The following TOGARAM2 variants were observed in gnomAD, a reference collection of about 807,000 sequenced individuals.
TOGARAM2 encodes the protein TOG array regulator of axonemal microtubules 2.
Under a neutral mutation model 93.3 loss-of-function variants are expected in TOGARAM2, and 85 were observed. That is an observed-to-expected ratio of 0.91 (90% CI 0.76 to 1.09). The LOEUF is 1.09. Ranked by LOEUF, TOGARAM2 falls within the 50% of genes least tolerant of loss-of-function variation. The pLI is 0.00. For missense variants in TOGARAM2, 1,277 were observed against 1,334.5 expected, an observed-to-expected ratio of 0.96 and a Z score of 0.67; for synonymous variants, 593 against 552.8, an observed-to-expected ratio of 1.07 and a Z score of -1.02.
chr2:29,036,414 C>A, intron 17 of TOGARAM2, 127 bp from the exon 18 acceptor site: 1 of 766,276 alleles, frequency 1.3e-6, no homozygotes, highest in Non-Finnish European at 2.1e-6. Flanking sequence ...TGGCATAGGT[C>A]AGGGACGCAG....
upstream of TOGARAM2, among the ~76,000 whole-genome samples, chr2:28,980,736 A>C (rs1172805839): frequency 6.6e-6 from 1 of 152,228 alleles, no homozygotes; most frequent in Non-Finnish European, 1.5e-5. Context: ...TCTGCTCTGC[A>C]AGGATTTCTG....
At chr2:28,989,166 C>T (rs918102334) in intron 1 of TOGARAM2, among the ~76,000 whole-genome samples, 2 of 152,156 alleles carry the variant, frequency 1.3e-5, no homozygotes, top group African/African-American at 4.8e-5. Context: ...TCTCCTGCCT[C>T]AGCCTCTTGA....
At chr2:28,968,944 G>A (rs1410461091) in intron 1 of TOGARAM2, among the ~76,000 whole-genome samples, 3 of 151,598 alleles carry the variant, frequency 2.0e-5, no homozygotes, top group Non-Finnish European at 2.9e-5. Flanking sequence ...TGCTGTGATC[G>A]CTGTCAGTAT....
At chr2:28,990,282 G>A (rs1672657805) in intron 1 of TOGARAM2, among the ~76,000 whole-genome samples, 1 of 152,210 alleles carries the variant, frequency 6.6e-6, no homozygotes, top group African/African-American at 2.4e-5. Context: ...TGTCAGTGCT[G>A]TAATTCTCTC....
intron 4 of TOGARAM2, among the ~76,000 whole-genome samples, chr2:29,002,159 A>T (rs1335583319): frequency 6.6e-6 from 1 of 152,186 alleles, no homozygotes; most frequent in Non-Finnish European, 1.5e-5. Flanking sequence ...AAGTGATGTT[A>T]TTGAATCACC....
intron 1 of TOGARAM2, chr2:28,970,852 G>C (rs1195025530): frequency 2.6e-5 from 4 of 152,234 alleles, no homozygotes; most frequent in Non-Finnish European, 5.9e-5. Flanking sequence ...CATGGTAACT[G>C]TCACCCAGGG....
chr2:28,959,578 C>G (rs977170087), intron 1 of TOGARAM2, among the ~76,000 whole-genome samples: 9 of 151,970 alleles, frequency 5.9e-5, no homozygotes, highest in African/African-American at 2.2e-4. Context: ...ATGCTGAAAC[C>G]CCATCTCTAC....
chr2:29,014,694 C>G, intron 8 of TOGARAM2, 133 bp downstream of exon 8: 1 of 1,190,844 alleles, frequency 8.4e-7, no homozygotes, highest in East Asian at 2.6e-5. Context: ...GAGGCAGCCA[C>G]CCAAGTACTA....
At chr2:28,972,653 A>G (rs191977091) in intron 1 of TOGARAM2, 17 of 152,164 alleles carry the variant, frequency 1.1e-4, no homozygotes, top group African/African-American at 3.6e-4. Flanking sequence ...TGGGCTGGAG[A>G]TTCCCACTGG....
At position 29,029,264 on chromosome 2, in the gene TOGARAM2, TACACAC is replaced by T. The variant is rs146395549; in HGVS notation, c.2012+2282_2012+2287del. Among the ~76,000 whole-genome samples the T allele has an allele frequency of 1.3e-4, 19 of 147,984 alleles. No individual in the cohort carries two copies. The East Asian group carries it at 2.4e-3, about 19-fold the overall frequency. On this transcript the variant is annotated intron_variant, in intron 14 of 19. Transcript: ENST00000379558. ...TGATATGTATGTATGTATGTGTGTA[TACACAC>T]ACACACACACACACACACACACACA...
In TOGARAM2 at chr2:29,023,255, T is replaced by C. The variant is rs995175783; in HGVS notation, c.1617+64T>C. 13 of 1,350,116 alleles carry C rather than the reference T, an allele frequency of 9.6e-6. No homozygotes were observed. In the African/African-American group the frequency reaches 1.6e-4, roughly 17 times the overall value. 83.6% of individuals were successfully genotyped at this position (1,350,116 alleles called of 1,614,324 possible). On this transcript the variant is annotated intron_variant, in intron 12 of 19. Transcript: ENST00000379558. ...ACTGCAGCTGCTGGATGCAGTCCGC[T>C]AGCAGCTGTGGAGGGGCTGTGGCTT...
At chr2:29,019,177 C>CTTTTTT (rs61378143) in intron 10 of TOGARAM2, among the ~76,000 whole-genome samples, 16 of 121,700 alleles carry the variant, frequency 1.3e-4, no homozygotes, top group Non-Finnish European at 1.8e-4. Flanking sequence ...CCAACTGACT[C>CTTTTTT]TTTTTTTTTT....
At chr2:29,006,819 G>A (rs12469183) in intron 6 of TOGARAM2, among the ~76,000 whole-genome samples, 112,071 of 151,902 alleles carry the variant, frequency 0.74, 42,847 homozygotes, top group Non-Finnish European at 0.85. Context: ...CATTGCACAC[G>A]TCCTCCCCTT....
rs1310934182 is a variant in TOGARAM2 at position 28,972,050 on chromosome 2, G to A, written c.-147+15353G>A. On this transcript the variant is annotated intron_variant, in intron 1 of 6. Transcript: ENST00000401723. ...TGTATATTAAAGGCCCTGAGACATGGGATAGGTAAGAAATGAGTTCAGTAT... is the reference window on the plus strand; with the variant it reads ...TGTATATTAAAGGCCCTGAGACATGAGATAGGTAAGAAATGAGTTCAGTAT... Among the ~76,000 whole-genome samples, 5 of 152,086 alleles carry A rather than the reference G, an allele frequency of 3.3e-5. No individual in the cohort carries two copies. The East Asian group carries it at 9.6e-4, about 29-fold the overall frequency.
intron 16 of TOGARAM2, among the ~76,000 whole-genome samples, chr2:29,034,755 G>A (rs1290188103): frequency 6.6e-6 from 1 of 152,200 alleles, no homozygotes; most frequent in Non-Finnish European, 1.5e-5. Context: ...CAGTTGCTGG[G>A]GGAGTGTGAG....
At chr2:29,004,019 G>A (rs971873136) in intron 6 of TOGARAM2, among the ~76,000 whole-genome samples, 2 of 152,176 alleles carry the variant, frequency 1.3e-5, no homozygotes, top group Non-Finnish European at 2.9e-5. Context: ...ATTTTGAGAT[G>A]GAGTCTCACT....
intron 8 of TOGARAM2, among the ~76,000 whole-genome samples, chr2:29,016,640 G>A (rs1664589652): frequency 6.6e-6 from 1 of 152,214 alleles, no homozygotes. Context: ...GTCCTTCAGA[G>A]GAGAAGCCCA....
chr2:28,959,483 G>T (rs1048943731), intron 1 of TOGARAM2, among the ~76,000 whole-genome samples: 1 of 152,194 alleles, frequency 6.6e-6, no homozygotes, highest in African/African-American at 2.4e-5. Flanking sequence ...GCCGGGTGCG[G>T]TGGCTCATGC....
chr2:28,962,064 TA>T (rs561168458), intron 1 of TOGARAM2, among the ~76,000 whole-genome samples: 8 of 151,958 alleles, frequency 5.3e-5, no homozygotes, highest in South Asian at 2.1e-4. Flanking sequence ...TTCCAGAAAT[TA>T]AAAAAAATCA....
Sources: gnomAD v4.1 joint callset for allele counts (sites outside exome capture counted in the v4.1 genomes callset) on GRCh38, gnomAD v4.1.1 for gene constraint, MANE v1.5 for transcripts, NCBI Gene and HGNC (gene_info 2026-07-23, HGNC 2026-07-21) for gene names.